Variants in ZNF425 observed in about 807,000 individuals in gnomAD.
ZNF425 encodes zinc finger protein 425.
ZNF425 carries 21 observed loss-of-function variants against 17.0 expected under a neutral mutation model. The ratio of observed to expected loss-of-function variants is 1.23; its 90% CI spans 0.88 to 1.78. The LOEUF (loss-of-function observed/expected upper bound fraction) is 1.78. ZNF425 is among the 40% of genes most tolerant of loss of function. The pLI, the probability that ZNF425 is intolerant of heterozygous loss-of-function variation, is 0.00. For missense variants in ZNF425, 868 were observed against 967.3 expected, an observed-to-expected ratio of 0.90 and a Z score of 1.36; for synonymous variants, 433 against 384.1, an observed-to-expected ratio of 1.13 and a Z score of -1.49.
chr7:149,118,401 T>C (rs184541249), intron 1 of ZNF425, 53 bp from the exon 2 acceptor site: 6 of 1,597,284 alleles, frequency 3.8e-6, no homozygotes, highest in Admixed American at 3.4e-5. Context: ...CTACTTTGTT[T>C]TTCAATGTCC....
At chr7:149,112,612 A>C (rs1224068604) in intron 2 of ZNF425, among the ~76,000 whole-genome samples, 1 of 152,186 alleles carries the variant, frequency 6.6e-6, no homozygotes, top group African/African-American at 2.4e-5. Flanking sequence ...CAGCCTAGGC[A>C]ACAGACCGAG....
chr7:149,108,917 C>G (rs1490065855), intron 3 of ZNF425, among the ~76,000 whole-genome samples: 1 of 151,958 alleles, frequency 6.6e-6, no homozygotes, highest in African/African-American at 2.4e-5. Flanking sequence ...TCTTCCCAAG[C>G]TCCTCCCATT....
In ZNF425 at chr7:149,126,312, G is replaced by C; in HGVS notation, c.-99C>G. Reference sequence around the variant, plus strand: ...AGCCCTGCTGGCCCCCAAAGGCAGAGCCGGCCGGGCGCGGTGCATGCTGGG... The same window carrying C: ...AGCCCTGCTGGCCCCCAAAGGCAGACCCGGCCGGGCGCGGTGCATGCTGGG... On this transcript the variant is annotated 5_prime_UTR_variant, in exon 1 of 4. Transcript: ENST00000378061. 2 of 1,491,820 alleles carry C rather than the reference G, an allele frequency of 1.3e-6. No homozygotes were observed. Among genetic ancestry groups the C allele is most frequent in the Admixed American group, 4.6e-5 (2 of 43,140 alleles). 92.4% of individuals were successfully genotyped at this position (1,491,820 alleles called of 1,614,324 possible). A position where few individuals can be genotyped will look rare whatever the true frequency, so the allele number is the denominator to read the frequency against.
At chr7:149,125,897 T>C (rs1220030902) in intron 1 of ZNF425, 1 of 571,028 alleles carries the variant, frequency 1.8e-6, no homozygotes, top group Non-Finnish European at 3.1e-6. Flanking sequence ...ACCTAGCGCA[T>C]ATACAGCGCA....
chr7:149,112,375 T>G (rs1826189218), intron 2 of ZNF425, 80 bp from the exon 3 acceptor site: 1 of 1,298,802 alleles, frequency 7.7e-7, no homozygotes, highest in Non-Finnish European at 1.1e-6. Flanking sequence ...GGCTCACGCC[T>G]GTAATCCCAG....
In ZNF425 at chr7:149,104,626, C is replaced by T. The variant is rs552154074; in HGVS notation, c.1245G>A (p.Ser415=). 8 of 1,614,032 alleles carry T rather than the reference C, an allele frequency of 5.0e-6. No individual in the cohort carries two copies. The highest frequency in any genetic ancestry group is 5.1e-6 in the Non-Finnish European group (6 of 1,180,036). The change falls in exon 4 of 4, where the codon TCG becomes TCA. Residue 415 remains serine (S), a synonymous_variant. Coordinates refer to ENST00000378061, the MANE Select transcript of ZNF425 (RefSeq NM_001001661.3). The surrounding 1 kb of genome is among the most constrained non-coding windows in gnomAD (Gnocchi z 4.3). ...GGAAACTTTTGTTACACTCGGGACA[C>T]GAAAAGGGCTTCTCTCCCGTGTGAA... ...IRVHTGEKPF[S]CPECNKSFRL...
intron 1 of ZNF425, among the ~76,000 whole-genome samples, chr7:149,124,124 G>A (rs1004514627): frequency 6.6e-5 from 10 of 151,402 alleles, no homozygotes; most frequent in African/African-American, 1.7e-4. Flanking sequence ...TGGGATTACA[G>A]GCCTGAGCTA....
At chr7:149,107,880 T>TTTA (rs1826107180) in intron 3 of ZNF425, among the ~76,000 whole-genome samples, 1 of 55,540 alleles carries the variant, frequency 1.8e-5, no homozygotes, top group African/African-American at 4.9e-5. Context: ...TTATTTATTT[T>TTTA]TGAGCTAGGT....
intron 2 of ZNF425, among the ~76,000 whole-genome samples, chr7:149,113,700 T>C (rs1227828101): frequency 2.6e-5 from 4 of 151,196 alleles, no homozygotes; most frequent in Non-Finnish European, 3.0e-5. Flanking sequence ...TACAGGCGCC[T>C]GCCACCACGC....
chr7:149,111,532 C>T (rs1467363589), intron 3 of ZNF425, among the ~76,000 whole-genome samples: 1 of 125,760 alleles, frequency 8.0e-6, no homozygotes, highest in East Asian at 2.5e-4. Context: ...GCAGAGGTTG[C>T]AGTGAGCCGA....
At chr7:149,109,879 C>CTTT (rs59024495) in intron 3 of ZNF425, among the ~76,000 whole-genome samples, 1,603 of 140,674 alleles carry the variant, frequency 0.011, 28 homozygotes, top group African/African-American at 0.04. Context: ...TTTTCTTTTT[C>CTTT]TTTTTTTTTT....
chr7:149,124,933 G>A (rs1423058659), intron 1 of ZNF425, among the ~76,000 whole-genome samples: 2 of 152,178 alleles, frequency 1.3e-5, no homozygotes, highest in South Asian at 4.1e-4. Context: ...TCAAGAAAAC[G>A]ATTTTTCCTT....
At chr7:149,112,318 C>A (rs1246720390) in intron 2 of ZNF425, 23 bp from the exon 3 acceptor site, 1 of 1,606,042 alleles carries the variant, frequency 6.2e-7, no homozygotes, top group Non-Finnish European at 8.5e-7. Context: ...TCCACACAGA[C>A]TTTGAGTTTA....
At chr7:149,125,895 C>T in intron 1 of ZNF425, 4 of 572,486 alleles carry the variant, frequency 7.0e-6, no homozygotes, top group Non-Finnish European at 1.2e-5. Flanking sequence ...GGACCTAGCG[C>T]ATATACAGCG....
chr7:149,105,027 T>A lies in ZNF425; in HGVS notation c.844A>T (p.Thr282Ser). Residue 282 changes from threonine to serine, a missense_variant, in exon 4 of 4, where the codon ACC (threonine) becomes TCC (serine). By Grantham distance (58) the Thr-to-Ser change is moderately conservative. This residue lies in a region of ZNF425 where 243 missense variants were observed against 265.2 expected (regional missense o/e 0.92). Transcript: ENST00000378061. ...TTCAGGTTGGCCCTGTACCGGAAGG[T>A]CTTGTCGCACTCAGGGCATGGGTAG... ...RPYPCPECDK[T>S]FRYRANLKKH... 1 of 1,614,130 alleles carries A rather than the reference T, an allele frequency of 6.2e-7. No individual in the cohort carries two copies. Among genetic ancestry groups the A allele is most frequent in the South Asian group, 1.1e-5 (1 of 91,080 alleles).
chr7:149,122,836 C>T (rs549665820), intron 1 of ZNF425, among the ~76,000 whole-genome samples: 1 of 152,132 alleles, frequency 6.6e-6, no homozygotes, highest in Non-Finnish European at 1.5e-5. Context: ...GCTGGGATTA[C>T]AGGCATGTGC....
chr7:149,103,785 A>C lies in ZNF425; in HGVS notation c.2086T>G (p.Cys696Gly). The change falls in exon 4 of 4, where the codon TGT (cysteine) becomes GGT (glycine). Residue 696 changes from cysteine to glycine, a missense_variant. Physicochemically the swap from Cys to Gly is radical, Grantham distance 159. This residue lies in a region of ZNF425 where 437 missense variants were observed against 444.2 expected (regional missense o/e 0.98). Transcript: ENST00000378061. ...AGGAAGCCTTTGCCACACTCGGGAC[A>C]CTGGAAGGGCCTCTCTCCACTGTGC... Reference protein sequence around the residue: ...YKHSGERPFQCPECGKGFLQK... With the variant: ...YKHSGERPFQGPECGKGFLQK... 1 of 1,614,136 alleles carries C rather than the reference A, an allele frequency of 6.2e-7. No homozygotes were observed. Among genetic ancestry groups the C allele is most frequent in the Non-Finnish European group, 8.5e-7 (1 of 1,180,030 alleles).
chr7:149,115,201 C>T (rs538863916), intron 2 of ZNF425, among the ~76,000 whole-genome samples: 10 of 149,174 alleles, frequency 6.7e-5, no homozygotes, highest in African/African-American at 2.2e-4. Context: ...CTGTCCGCCT[C>T]GACCTCCCAA....
intron 1 of ZNF425, chr7:149,118,622 C>A (rs1245319333): frequency 2.3e-6 from 1 of 426,084 alleles, no homozygotes; most frequent in South Asian, 2.0e-5. Context: ...AGAGACCAGC[C>A]TGGCCAACAT....
Sources: allele counts gnomAD v4.1 joint callset (sites outside exome capture counted in the v4.1 genomes callset), GRCh38; gene constraint gnomAD v4.1.1; regional missense constraint gnomAD v4.1.1; non-coding constraint Gnocchi (gnomAD v3.1); transcripts MANE v1.5; gene names NCBI Gene and HGNC (gene_info 2026-07-23, HGNC 2026-07-21).